The following WWOX variants were observed in gnomAD, a reference collection of about 807,000 sequenced individuals.
WWOX encodes the protein WW domain containing oxidoreductase, also known as WW domain-containing oxidoreductase.
A neutral mutation model predicts 46.2 loss-of-function variants in WWOX; 69 were observed. The ratio of observed to expected loss-of-function variants is 1.49; its 90% confidence interval spans 1.23 to 1.82. The LOEUF (loss-of-function observed/expected upper bound fraction) is 1.82. Ranked by LOEUF, WWOX falls within the 40% of genes most tolerant of loss-of-function variation. The probability of loss-of-function intolerance (pLI) is 0.00; values close to 1 mark genes in which losing one functional copy is unlikely to be tolerated. For missense variants in WWOX, 919 were observed against 542.6 expected (o/e 1.69, Z -6.89); for synonymous variants, 359 against 202.6 (o/e 1.77, Z -6.56).
intron 8 of WWOX, among the ~76,000 whole-genome samples, chr16:78,590,146 G>GTCTCTCTCTCTCTCTCTCTCTC (rs58692243): frequency 6.7e-6 from 1 of 149,618 alleles, no homozygotes; most frequent in African/African-American, 2.5e-5. Context: ...TAGGCATTCA[G>GTCTCTCTCTCTCTCTCTCTCTC]TCTCTCTCTC....
At chr16:78,952,523 C>G (rs915731773) in intron 8 of WWOX, among the ~76,000 whole-genome samples, 1 of 151,966 alleles carries the variant, frequency 6.6e-6, no homozygotes, top group African/African-American at 2.4e-5. Flanking sequence ...GCTGGGATTA[C>G]AGGCATGTAC....
chr16:78,211,207 C>T (rs989116237), intron 5 of WWOX, among the ~76,000 whole-genome samples: 1 of 152,134 alleles, frequency 6.6e-6, no homozygotes, highest in African/African-American at 2.4e-5. Flanking sequence ...TGCCAATTTC[C>T]CACGAGTCTA....
chr16:78,608,141 G>C (rs997350913), intron 8 of WWOX, among the ~76,000 whole-genome samples: 1 of 152,160 alleles, frequency 6.6e-6, no homozygotes, highest in Non-Finnish European at 1.5e-5. Flanking sequence ...CTGAAACCCA[G>C]AGAGGTCGTA....
intron 8 of WWOX, among the ~76,000 whole-genome samples, chr16:78,654,842 G>C (rs187501967): frequency 1.3e-5 from 2 of 151,768 alleles, no homozygotes; most frequent in Non-Finnish European, 2.9e-5. Context: ...CAGTAGGGTC[G>C]TAAGGTCCCG....
At chr16:78,354,160 T>C (rs1273382804) in intron 5 of WWOX, among the ~76,000 whole-genome samples, 1 of 152,160 alleles carries the variant, frequency 6.6e-6, no homozygotes, top group African/African-American at 2.4e-5. Context: ...CTTTGTGTTT[T>C]GGTTTTTATC....
At chr16:78,705,607 G>A (rs8044327) in intron 8 of WWOX, among the ~76,000 whole-genome samples, 99,722 of 152,108 alleles carry the variant, frequency 0.66, 33,844 homozygotes, top group African/African-American at 0.85. Flanking sequence ...AATACTTAAA[G>A]TAACAGAAAA....
chr16:78,366,843 C>T (rs941062268), intron 5 of WWOX, among the ~76,000 whole-genome samples: 1 of 151,784 alleles, frequency 6.6e-6, no homozygotes, highest in Non-Finnish European at 1.5e-5. Flanking sequence ...TCTTTCTACA[C>T]ATATAGAAAC....
intron 8 of WWOX, among the ~76,000 whole-genome samples, chr16:78,999,675 A>T (rs992728959): frequency 1.3e-5 from 2 of 152,266 alleles, no homozygotes; most frequent in Non-Finnish European, 1.5e-5. Context: ...GTGATTGGTG[A>T]TAAAAATGGA....
intron 8 of WWOX, among the ~76,000 whole-genome samples, chr16:78,528,298 G>A (rs564692363): frequency 1.0e-4 from 15 of 150,160 alleles, no homozygotes; most frequent in Middle Eastern, 3.2e-3. Context: ...ACAGACATGA[G>A]CCACCACACC....
chr16:78,998,669 A>C (rs973786425), intron 8 of WWOX, among the ~76,000 whole-genome samples: 4 of 152,232 alleles, frequency 2.6e-5, no homozygotes, highest in African/African-American at 9.6e-5. Flanking sequence ...AGCGGCTAGC[A>C]CAGTGCTCAG....
At chr16:78,958,425 A>G (rs765890950) in intron 8 of WWOX, among the ~76,000 whole-genome samples, 3 of 152,200 alleles carry the variant, frequency 2.0e-5, no homozygotes, top group South Asian at 2.1e-4. Flanking sequence ...TGGATGTTCT[A>G]TATTTAATTT....
At chr16:78,332,777 C>T (rs2080791651) in intron 5 of WWOX, among the ~76,000 whole-genome samples, 2 of 152,052 alleles carry the variant, frequency 1.3e-5, no homozygotes, top group African/African-American at 4.8e-5. Context: ...GCATTCAGAA[C>T]TTTACTAACA....
intron 8 of WWOX, among the ~76,000 whole-genome samples, chr16:78,605,180 C>G (rs2045725594): frequency 6.6e-6 from 1 of 150,816 alleles, no homozygotes; most frequent in Non-Finnish European, 1.5e-5. Flanking sequence ...CCTGATGTAT[C>G]TGTATCCTGT....
intron 8 of WWOX, among the ~76,000 whole-genome samples, chr16:79,035,205 A>G (rs2047842088): frequency 6.6e-6 from 1 of 152,130 alleles, no homozygotes; most frequent in Non-Finnish European, 1.5e-5. Flanking sequence ...AACACTAGCT[A>G]GTGGCCCACA....
intron 8 of WWOX, among the ~76,000 whole-genome samples, chr16:79,060,610 T>C (rs961113739): frequency 6.6e-6 from 1 of 152,234 alleles, no homozygotes; most frequent in African/African-American, 2.4e-5. Context: ...ATGTCTTATG[T>C]CTTCAAAAGC....
At chr16:78,628,668 C>G (rs1397432960) in intron 8 of WWOX, among the ~76,000 whole-genome samples, 2 of 151,968 alleles carry the variant, frequency 1.3e-5, no homozygotes, top group Non-Finnish European at 1.5e-5. Context: ...AAAATAAACA[C>G]CATGGTCACT....
intron 6 of WWOX, among the ~76,000 whole-genome samples, chr16:78,417,400 G>C (rs1307582116): frequency 1.3e-5 from 2 of 151,960 alleles, no homozygotes; most frequent in Non-Finnish European, 2.9e-5. Flanking sequence ...GCCTATGTTA[G>C]CTATTTCTGA....
At chr16:78,779,360 T>C (rs995036481) in intron 8 of WWOX, among the ~76,000 whole-genome samples, 8 of 152,194 alleles carry the variant, frequency 5.3e-5, no homozygotes, top group Admixed American at 1.3e-4. Context: ...TTGCCCAGAC[T>C]GGTCTTGAAC....
chr16:78,425,869 T>A (rs1274239008), intron 7 of WWOX, among the ~76,000 whole-genome samples: 1 of 152,082 alleles, frequency 6.6e-6, no homozygotes, highest in African/African-American at 2.4e-5. Context: ...AGGGGCCTAT[T>A]TTTTCCTCCT....
Sources: gnomAD v4.1 joint callset for allele counts (sites outside exome capture counted in the v4.1 genomes callset) on GRCh38, gnomAD v4.1.1 for gene constraint, MANE v1.5 for transcripts, NCBI Gene and HGNC (gene_info 2026-07-23, HGNC 2026-07-21) for gene names.